Variants in ADCY7 observed in about 807,000 individuals in gnomAD.
ADCY7 encodes adenylate cyclase 7, also known as adenylate cyclase type 7.
ADCY7 carries 72 observed loss-of-function variants against 120.6 expected under a neutral mutation model. That is an observed-to-expected ratio of 0.60 (90% CI 0.49 to 0.73). ADCY7 has a LOEUF of 0.73. Ranked by LOEUF, ADCY7 falls within the 30% of genes least tolerant of loss-of-function variation. The pLI is 0.00. For missense variants in ADCY7, 1,227 were observed against 1,486.0 expected (o/e 0.83, Z 2.87); for synonymous variants, 661 against 628.0 (o/e 1.05, Z -0.78).
At chr16:50,288,489 T>A in intron 2 of ADCY7, 139 bp downstream of exon 2, 1 of 1,029,560 alleles carries the variant, frequency 9.7e-7, no homozygotes. Flanking sequence ...TGTTTTTGGG[T>A]TTTTTTGAGA....
intron 1 of ADCY7, among the ~76,000 whole-genome samples, chr16:50,254,141 T>A (rs1242439526): frequency 1.3e-5 from 2 of 152,182 alleles, no homozygotes; most frequent in African/African-American, 2.4e-5. Flanking sequence ...ATGGAGGAGA[T>A]GGCAGATCCC....
Position 50,300,873 on chromosome 16 carries a change from G to C in ADCY7, c.1235G>C (p.Gly412Ala). 1 of 1,555,222 alleles carries C rather than the reference G, an allele frequency of 6.4e-7. No individual in the cohort carries two copies. The highest frequency in any genetic ancestry group is 8.7e-7 in the Non-Finnish European group (1 of 1,149,098). Residue 412 changes from glycine to alanine, a missense_variant and splice_region_variant, in exon 9 of 26, where the codon GGC (glycine) becomes GCC (alanine). Physicochemically the swap from Gly to Ala is moderately conservative, Grantham distance 60. This residue lies in a region of ADCY7 where 332 missense variants were observed against 455.8 expected (regional missense o/e 0.73). Coordinates refer to ENST00000673801, the MANE Select transcript of ADCY7 (RefSeq NM_001114.5). ...CGGATGGAGGCAGCCGGAGTACCCG[G>C]GTGAGGCTGGGCTGGGTAGCCGCAG... ...ANRMEAAGVP[G>A]RVHITEATLK...
chr16:50,284,854 C>T (rs1483589446), intron 1 of ADCY7, among the ~76,000 whole-genome samples: 1 of 152,234 alleles, frequency 6.6e-6, no homozygotes. Context: ...GGTGGTGCCA[C>T]CTTGGCCTTT....
chr16:50,260,321 C>T (rs2033027113), intron 1 of ADCY7, among the ~76,000 whole-genome samples: 1 of 152,162 alleles, frequency 6.6e-6, no homozygotes, highest in African/African-American at 2.4e-5. Context: ...GAGGGTGCTG[C>T]ATGAATAAGT....
chr16:50,298,937 G>A lies in ADCY7; in HGVS notation c.982G>A (p.Asp328Asn). ...GTGCATGCGAATCAAGATCCTCGGC[G>A]ACTGCTACTACTGTGTATCGGGCCT... is the stretch of plus-strand genomic sequence containing the variant. ...NECMRIKILG[D>N]CYYCVSGLPV... Residue 328 changes from aspartate (D) to asparagine (N), a missense_variant, in exon 8 of 26, where the codon GAC becomes AAC. Asp to Asn is a conservative substitution (Grantham distance 23, BLOSUM62 1). Around this residue, in one of 5 missense-constraint regions of ADCY7, gnomAD observed 332 missense variants for 455.8 expected, o/e 0.73. Transcript: ENST00000673801. 1.2e-6 allele frequency: 2 copies of A among 1,613,928 alleles called. No individual in the cohort carries two copies. Among genetic ancestry groups the A allele is most frequent in the Non-Finnish European group, 1.7e-6 (2 of 1,179,994 alleles).
At chr16:50,293,578 C>T (rs990879153) in intron 6 of ADCY7, 76 bp downstream of exon 6, 52 of 1,533,934 alleles carry the variant, frequency 3.4e-5, no homozygotes, top group East Asian at 4.8e-5. Context: ...GCGGCCTCCC[C>T]GCCCTATCTG....
chr16:50,313,229 C>G (rs931437845), intron 22 of ADCY7, 193 bp downstream of exon 22: 11 of 604,644 alleles, frequency 1.8e-5, no homozygotes, highest in Middle Eastern at 4.9e-4. Context: ...CCAGCCTGGC[C>G]AACATGGCGA....
At chr16:50,313,438 A>C (rs3743774) in intron 22 of ADCY7, 62,751 of 148,314 alleles carry the variant, frequency 0.42, 12,810 homozygotes, top group Non-Finnish European at 0.54. Context: ...ACAACAACAA[A>C]AAAAAAACGA....
At chr16:50,275,953 C>T (rs2033862080) in intron 1 of ADCY7, among the ~76,000 whole-genome samples, 1 of 152,222 alleles carries the variant, frequency 6.6e-6, no homozygotes, top group Non-Finnish European at 1.5e-5. Context: ...AGGAGACAGC[C>T]AGCCAGGTGG....
In ADCY7 at chr16:50,305,757, G is replaced by A. The variant is rs56135636; in HGVS notation, c.1680-20G>A. ...ACCCCTTCCCAGCCCCCATCTCACC[G>A]CAGCTGCCCCCGCCCACAGGCCCTG... is the stretch of plus-strand genomic sequence containing the variant. On this transcript the variant is annotated intron_variant, in intron 13 of 25. Transcript: ENST00000673801. The A allele has an allele frequency of 0.18, 295,488 of 1,612,020 alleles. 29,787 individuals are homozygous for A. The highest frequency in any genetic ancestry group is 0.29 in the Middle Eastern group (1,734 of 6,062).
intron 8 of ADCY7, 145 bp from the exon 9 acceptor site, chr16:50,300,570 C>A: frequency 1.0e-6 from 1 of 969,798 alleles, no homozygotes; most frequent in Non-Finnish European, 1.5e-6. Context: ...GAAGAGGCAG[C>A]CCCATCAGGC....
intron 1 of ADCY7, among the ~76,000 whole-genome samples, chr16:50,269,378 C>T (rs1243696049): frequency 6.6e-6 from 1 of 152,208 alleles, no homozygotes. Flanking sequence ...CTGGTTGGTG[C>T]TGAGGGATTC....
rs778326060 is a variant in ADCY7 at position 50,308,340 on chromosome 16, G to A, written c.1864G>A (p.Gly622Ser). The A allele has an allele frequency of 1.5e-5, 25 of 1,614,062 alleles. No homozygotes were observed. Among genetic ancestry groups the A allele is most frequent in the Middle Eastern group, 1.6e-4 (1 of 6,082 alleles). ...CCTCCTCTCCAGGACGGCGGCACTG[G>A]GTGTGTCCTTCGGGCTGGTGGCCTG... ...VLLMPRTAAL[G>S]VSFGLVACVL... The change falls in exon 16 of 26, where the codon GGT becomes AGT. Residue 622 changes from glycine (G) to serine (S), a missense_variant. By Grantham distance (56) the Gly-to-Ser change is moderately conservative (BLOSUM62 0). Around this residue, in one of 5 missense-constraint regions of ADCY7, gnomAD observed 267 missense variants for 270.0 expected, o/e 0.99. Coordinates refer to ENST00000673801, the MANE Select transcript of ADCY7 (RefSeq NM_001114.5).
upstream of ADCY7, among the ~76,000 whole-genome samples, chr16:50,264,888 G>C (rs1470813605): frequency 4.8e-5 from 7 of 144,822 alleles, no homozygotes; most frequent in African/African-American, 1.8e-4. Context: ...CCAGGCTGGA[G>C]TGCAGTGGTG....
At position 50,290,635 on chromosome 16, in the gene ADCY7, C is replaced by T; in HGVS notation, c.350C>T (p.Thr117Ile). The T allele has an allele frequency of 6.2e-7, 1 of 1,613,856 alleles. No individual in the cohort carries two copies. The highest frequency in any genetic ancestry group is 8.5e-7 in the Non-Finnish European group (1 of 1,179,830). ...LGYVLVFDAW[T>I]KAACAWEQVP... ...TATGTGCTGGTGTTCGACGCATGGA[C>T]AAAGGCGGCCTGTGCGTGGGAGCAG... Residue 117 changes from threonine to isoleucine, a missense_variant, in exon 3 of 26, where the codon ACA becomes ATA. Thr to Ile is a moderately conservative substitution (Grantham distance 89). Coordinates refer to ENST00000673801, the MANE Select transcript of ADCY7 (RefSeq NM_001114.5).
Position 50,294,746 on chromosome 16 carries a change from G to A in ADCY7, c.943G>A (p.Ala315Thr), listed in dbSNP as rs977862390. ...NELFGKFDQI[A>T]KANECMRIKI... is the part of the protein sequence containing the mutation. Reference sequence around the variant, plus strand: ...GCTCTTTGGCAAGTTCGACCAGATCGCCAAGGTGAGCCCGCTGGCCTACAA... The same window carrying A: ...GCTCTTTGGCAAGTTCGACCAGATCACCAAGGTGAGCCCGCTGGCCTACAA... The change falls in exon 7 of 26, where the codon GCC becomes ACC. Residue 315 changes from alanine (A) to threonine (T), a missense_variant. Physicochemically the swap from Ala to Thr is moderately conservative, Grantham distance 58. Coordinates refer to ENST00000673801, the MANE Select transcript of ADCY7 (RefSeq NM_001114.5). 3 of 1,611,366 alleles carry A rather than the reference G, an allele frequency of 1.9e-6. No homozygotes were observed. Among genetic ancestry groups the A allele is most frequent in the Admixed American group, 1.7e-5 (1 of 59,850 alleles).
intron 1 of ADCY7, among the ~76,000 whole-genome samples, chr16:50,277,598 TC>T (rs1441966895): frequency 5.9e-5 from 9 of 151,926 alleles, no homozygotes; most frequent in African/African-American, 4.8e-5. Flanking sequence ...GCTCAAGTGA[TC>T]CGCCTGCCTC....
intron 18 of ADCY7, 184 bp from the exon 19 acceptor site, chr16:50,310,503 T>C (rs561609049): frequency 6.8e-5 from 105 of 1,537,764 alleles, no homozygotes; most frequent in Non-Finnish European, 8.8e-5. Context: ...TCATAAGAAA[T>C]AAAACTACAG....
At chr16:50,255,182 A>G (rs982143498) in intron 1 of ADCY7, among the ~76,000 whole-genome samples, 53 of 151,088 alleles carry the variant, frequency 3.5e-4, no homozygotes, top group African/African-American at 1.2e-3. Flanking sequence ...CTGTCGTCCC[A>G]GCTACTTGGG....
Sources: allele counts gnomAD v4.1 joint callset (sites outside exome capture counted in the v4.1 genomes callset), GRCh38; gene constraint gnomAD v4.1.1; regional missense constraint gnomAD v4.1.1; transcripts MANE v1.5; gene names NCBI Gene and HGNC (gene_info 2026-07-23, HGNC 2026-07-21).